Variants in APC observed in about 807,000 individuals in gnomAD.
APC encodes adenomatous polyposis coli protein.
A neutral mutation model predicts 247.0 loss-of-function variants in APC; 72 were observed. That is an observed-to-expected ratio of 0.29 (90% CI 0.24 to 0.35). APC has a LOEUF of 0.35. Among genes scored for constraint, APC ranks in the 10% least tolerant of loss-of-function variants. The probability of loss-of-function intolerance (pLI) is 1.00; values close to 1 mark genes in which losing one functional copy is unlikely to be tolerated. For synonymous variants in APC, 1,254 were observed against 1,162.5 expected, an observed-to-expected ratio of 1.08 and a Z score of -1.60; for missense variants, 3,400 against 3,360.7, an observed-to-expected ratio of 1.01 and a Z score of -0.29.
chr5:112,731,107 T>C (rs866241994), intron 1 of APC, among the ~76,000 whole-genome samples: 8 of 151,932 alleles, frequency 5.3e-5, no homozygotes, highest in African/African-American at 1.9e-4. Flanking sequence ...TTAATCATCT[T>C]ATAAATGTGC....
intron 13 of APC, 48 bp downstream of exon 13, chr5:112,828,054 A>G (rs1266327974): frequency 6.6e-7 from 1 of 1,503,966 alleles, no homozygotes; most frequent in South Asian, 1.1e-5. Context: ...TTTTTCTTTG[A>G]GGCAGGGTCT....
At position 112,841,853 on chromosome 5, in the gene APC, G is replaced by C. The variant is rs1766174382; in HGVS notation, c.6259G>C (p.Asp2087His). ...TLDLKDIQRP[D>H]SEHGLSPDSE... ...TGATTTGAAAGATATACAGAGACCA[G>C]ATTCAGAACATGGTCTATCCCCTGA... Residue 2087 changes from aspartate to histidine, a missense_variant, in exon 16 of 16, where the codon GAT (aspartate) becomes CAT (histidine). Asp to His is a moderately conservative substitution (Grantham distance 81). Coordinates refer to ENST00000257430, the MANE Select transcript of APC (RefSeq NM_000038.6). This position sits in a 1 kb window ranked among gnomAD's most constrained non-coding sequence, Gnocchi z 4.6. 6.2e-7 allele frequency: 1 copy of C among 1,613,528 alleles called. No individual in the cohort carries two copies. The highest frequency in any genetic ancestry group is 8.5e-7 in the Non-Finnish European group (1 of 1,179,520).
At chr5:112,753,587 G>GT (rs1442881634) in intron 1 of APC, among the ~76,000 whole-genome samples, 1 of 152,024 alleles carries the variant, frequency 6.6e-6, no homozygotes, top group African/African-American at 2.4e-5. Context: ...AAAGACTTTT[G>GT]TAGGTGATCC....
Position 112,777,986 on chromosome 5 carries a change from A to G in APC, c.531+2249A>G, listed in dbSNP as rs561357534. The G allele has an allele frequency of 3.7e-5, 7 of 187,380 alleles. No individual in the cohort carries two copies. The South Asian group carries it at 6.9e-4, about 19-fold the overall frequency. The allele number at this position is 187,380 out of a possible 1,614,324, so 11.6% of individuals were successfully genotyped here. A position where few individuals can be genotyped will look rare whatever the true frequency, so the allele number is the denominator to read the frequency against. On this transcript the variant is annotated intron_variant, in intron 5 of 15. Coordinates refer to ENST00000257430, the MANE Select transcript of APC (RefSeq NM_000038.6). ...GAAATGCTTCAATTAACCCTGAACC[A>G]TCTAAATTTTCTTTAGGTTCCCAAG...
intron 2 of APC, among the ~76,000 whole-genome samples, chr5:112,761,368 G>A (rs1013757083): frequency 3.3e-5 from 5 of 151,916 alleles, no homozygotes; most frequent in Admixed American, 2.6e-4. Context: ...TTTAACATAA[G>A]TATTATAAAT....
At chr5:112,820,776 C>T (rs889848159) in intron 10 of APC, among the ~76,000 whole-genome samples, 1 of 152,124 alleles carries the variant, frequency 6.6e-6, no homozygotes, top group Non-Finnish European at 1.5e-5. Flanking sequence ...TTCTTAGTCA[C>T]CCTTTTAAAA....
At chr5:112,819,795 C>T (rs778650306) in intron 10 of APC, among the ~76,000 whole-genome samples, 29 of 152,270 alleles carry the variant, frequency 1.9e-4, no homozygotes, top group Non-Finnish European at 3.8e-4. Context: ...ATTTGCTCCT[C>T]ACATCAACCT....
At chr5:112,734,677 C>T (rs950114471), upstream of APC, among the ~76,000 whole-genome samples, 1 of 152,042 alleles carries the variant, frequency 6.6e-6, no homozygotes, top group African/African-American at 2.4e-5. Context: ...TCATTTTACA[C>T]TAGTTAATAT....
intron 11 of APC, among the ~76,000 whole-genome samples, chr5:112,825,617 C>T (rs6650981): frequency 0.1 from 15,572 of 152,018 alleles, 1,491 homozygotes; most frequent in African/African-American, 0.25. Flanking sequence ...TTTGGGAGGC[C>T]GAGGCAGGAG....
At position 112,838,539 on chromosome 5, in the gene APC, C is replaced by T. The variant is rs139773221; in HGVS notation, c.2945C>T (p.Ser982Leu). 1.7e-5 allele frequency: 27 copies of T among 1,614,010 alleles called. No individual in the cohort carries two copies. The highest frequency in any genetic ancestry group is 2.2e-5 in the South Asian group (2 of 91,088). The stretch of plus-strand genomic sequence containing the variant: ...GGTAAAAGAGGTCAAATGAAACCCT[C>T]GATTGAATCCTATTCTGAAGATGAT... The part of the protein sequence containing the change: ...GYGKRGQMKP[S>L]IESYSEDDES... The change falls in exon 16 of 16, where the codon TCG becomes TTG. Residue 982 changes from serine (S) to leucine (L), a missense_variant. Transcript: ENST00000257430.
rs944674770 is a variant in APC at position 112,840,951 on chromosome 5, G to C, written c.5357G>C (p.Arg1786Thr). The change falls in exon 16 of 16, where the codon AGG (arginine) becomes ACG (threonine). Residue 1786 changes from arginine to threonine, a missense_variant. By Grantham distance (71) the Arg-to-Thr change is moderately conservative. This residue lies in a region of APC where 1,788 missense variants were observed against 1,649.5 expected (regional missense o/e 1.08). Coordinates refer to ENST00000257430, the MANE Select transcript of APC (RefSeq NM_000038.6). The surrounding 1 kb of genome is among the most constrained non-coding windows in gnomAD (Gnocchi z 4.1). ...VKPIPQNTEY[R>T]TRVRKNADSK... ...CCTATACCACAAAATACTGAATATA[G>C]GACACGTGTAAGAAAAAATGCAGAC... is the stretch of plus-strand genomic sequence containing the variant. 4 of 1,613,222 alleles carry C rather than the reference G, an allele frequency of 2.5e-6. No homozygotes were observed. The highest frequency in any genetic ancestry group is 1.7e-5 in the Admixed American group (1 of 59,850).
chr5:112,805,466 C>G (rs766487619), intron 8 of APC, among the ~76,000 whole-genome samples: 1 of 152,112 alleles, frequency 6.6e-6, no homozygotes, highest in Non-Finnish European at 1.5e-5. Context: ...GTTTGTTTAG[C>G]AGTAGCAATC....
chr5:112,775,275 A>G (rs993150153), intron 4 of APC, among the ~76,000 whole-genome samples: 2 of 151,832 alleles, frequency 1.3e-5, no homozygotes, highest in African/African-American at 4.8e-5. Context: ...TATTTCCTTT[A>G]CTATACTTTT....
At chr5:112,769,037 T>C (rs1224905670) in intron 4 of APC, among the ~76,000 whole-genome samples, 1 of 145,118 alleles carries the variant, frequency 6.9e-6, no homozygotes, top group African/African-American at 2.6e-5. Context: ...AGTAAATTTT[T>C]CTTTTTTTTC....
chr5:112,792,887 C>T (rs1759788820), intron 7 of APC, among the ~76,000 whole-genome samples: 1 of 151,960 alleles, frequency 6.6e-6, no homozygotes, highest in Non-Finnish European at 1.5e-5. Flanking sequence ...ACTCCAGAAA[C>T]CCCATTAAAG....
In APC at chr5:112,834,433, C is replaced by T. The variant is rs1253506865; in HGVS notation, c.1744-518C>T. 7.3e-5 allele frequency among the ~76,000 whole-genome samples: 11 copies of T among 150,820 alleles called. No homozygotes were observed. In the East Asian group the frequency reaches 1.2e-3, roughly 16 times the overall value. Reference sequence around the variant, plus strand: ...ATTTTTTTTTGTATTTTTGTAGAGACGGGGTTTTACCACATTGGCGAGGCT... The same window carrying T: ...ATTTTTTTTTGTATTTTTGTAGAGATGGGGTTTTACCACATTGGCGAGGCT... On this transcript the variant is annotated intron_variant, in intron 14 of 15. Coordinates refer to ENST00000257430, the MANE Select transcript of APC (RefSeq NM_000038.6).
At chr5:112,723,082 A>C (rs988918392) in intron 1 of APC, among the ~76,000 whole-genome samples, 5 of 152,084 alleles carry the variant, frequency 3.3e-5, no homozygotes, top group African/African-American at 1.2e-4. Flanking sequence ...AGGTAAAAGG[A>C]GGACAGGAGA....
chr5:112,820,811 T>A (rs1035196686), intron 10 of APC, among the ~76,000 whole-genome samples: 1 of 152,176 alleles, frequency 6.6e-6, no homozygotes, highest in Non-Finnish European at 1.5e-5. Flanking sequence ...GTCTAGTATA[T>A]CTGTGTAACT....
intron 9 of APC, 32 bp from the exon 10 acceptor site, chr5:112,818,934 T>A: frequency 1.9e-6 from 3 of 1,611,478 alleles, no homozygotes; most frequent in Non-Finnish European, 2.5e-6. Flanking sequence ...ATTAAAGTCG[T>A]AATTTTGTTT....
Sources: gnomAD v4.1 joint callset for allele counts (sites outside exome capture counted in the v4.1 genomes callset) on GRCh38, gnomAD v4.1.1 for gene constraint, gnomAD v4.1.1 regional missense constraint, Gnocchi (gnomAD v3.1) non-coding constraint, MANE v1.5 for transcripts, NCBI Gene and HGNC (gene_info 2026-07-23, HGNC 2026-07-21) for gene names.